Variants in RAD52 observed in about 807,000 individuals in gnomAD.
RAD52 encodes RAD52 DNA repair protein, also known as DNA repair protein RAD52 homolog.
RAD52 carries 47 observed loss-of-function variants against 55.5 expected under a neutral mutation model. That is an observed-to-expected ratio of 0.85 (90% CI 0.67 to 1.08). The LOEUF is 1.08. Ranked by LOEUF, RAD52 falls within the 50% of genes least tolerant of loss-of-function variation. The probability of loss-of-function intolerance (pLI) is 0.00; values close to 1 mark genes in which losing one functional copy is unlikely to be tolerated. For synonymous variants in RAD52, 184 were observed against 198.9 expected, an observed-to-expected ratio of 0.92 and a Z score of 0.63; for missense variants, 468 against 522.8, an observed-to-expected ratio of 0.90 and a Z score of 1.02.
Position 948,500 on chromosome 12 carries a change from A to G in RAD52, c.-19+1102T>C, listed in dbSNP as rs1474740570. Reference sequence around the variant, plus strand: ...GAGACCAGCCTAACCAACATGGTGAAAAATACAAAGTAGCTGGGTGTGGTG... The same window carrying G: ...GAGACCAGCCTAACCAACATGGTGAGAAATACAAAGTAGCTGGGTGTGGTG... On this transcript the variant is annotated intron_variant, in intron 1 of 11. Coordinates refer to ENST00000358495, the MANE Select transcript of RAD52 (RefSeq NM_134424.4). Among the ~76,000 whole-genome samples the G allele has an allele frequency of 2.0e-5, 3 of 152,086 alleles. No homozygotes were observed. The East Asian group carries it at 5.8e-4, about 29-fold the overall frequency.
intron 7 of RAD52, among the ~76,000 whole-genome samples, chr12:923,887 A>G (rs1260520397): frequency 1.3e-5 from 2 of 149,640 alleles, no homozygotes; most frequent in African/African-American, 4.9e-5. Flanking sequence ...ACGAAACCCC[A>G]TCTACTAAAA....
chr12:925,152 G>GT (rs1463597705), intron 7 of RAD52, among the ~76,000 whole-genome samples: 2 of 151,878 alleles, frequency 1.3e-5, no homozygotes, highest in African/African-American at 4.8e-5. Flanking sequence ...GGGTTTCACC[G>GT]TGTTAGCCAG....
At chr12:982,143 G>C (rs1959025631) in intron 1 of RAD52, among the ~76,000 whole-genome samples, 1 of 152,208 alleles carries the variant, frequency 6.6e-6, no homozygotes, top group Non-Finnish European at 1.5e-5. Context: ...TTCACAGCCA[G>C]ATAACTCTGT....
At chr12:954,681 G>A (rs557635183), upstream of RAD52, among the ~76,000 whole-genome samples, 3 of 152,136 alleles carry the variant, frequency 2.0e-5, no homozygotes, top group South Asian at 6.2e-4. Flanking sequence ...TTTCCTTATT[G>A]ATTAATCCTT....
At chr12:960,151 T>A (rs1488442483) in intron 1 of RAD52, among the ~76,000 whole-genome samples, 1 of 152,146 alleles carries the variant, frequency 6.6e-6, no homozygotes, top group Admixed American at 6.6e-5. Context: ...AATGCCCTGA[T>A]CTGAATAGAA....
chr12:957,821 G>T lies in RAD52; in HGVS notation c.-18-24745C>A, dbSNP rs937100845. Among the ~76,000 whole-genome samples, 5 of 152,314 alleles carry T rather than the reference G, an allele frequency of 3.3e-5. No individual in the cohort carries two copies. In the South Asian group the frequency reaches 1.0e-3, roughly 32 times the overall value. ...AAATAAATAATAAAAAACAAAAAAAGAATTGCCATTTGGCTTAGGCATTAG... is the reference window on the plus strand; with the variant it reads ...AAATAAATAATAAAAAACAAAAAAATAATTGCCATTTGGCTTAGGCATTAG... On this transcript the variant is annotated intron_variant, in intron 1 of 11. Coordinates refer to the RAD52 transcript ENST00000430095.
chr12:953,001 A>AAGGGAGGGGGGGGGGGGAGGGGGGG (rs1425368666), upstream of RAD52, among the ~76,000 whole-genome samples: 1 of 4,936 alleles, frequency 2.0e-4, no homozygotes. Context: ...GGAGAGGGGG[A>AAGGGAGGGGGGGGGGGGAGGGGGGG]GGGGAGGGGG....
At chr12:932,248 A>G (rs534450843) in intron 2 of RAD52, among the ~76,000 whole-genome samples, 1 of 151,962 alleles carries the variant, frequency 6.6e-6, no homozygotes, top group Non-Finnish European at 1.5e-5. Flanking sequence ...TAATCCAAAC[A>G]CTTTGGGAGG....
intron 1 of RAD52, among the ~76,000 whole-genome samples, chr12:941,088 G>A (rs7311151): frequency 0.58 from 88,069 of 151,756 alleles, 25,782 homozygotes; most frequent in Middle Eastern, 0.68. Flanking sequence ...ATAAATCTCC[G>A]GATAAATACA....
intron 1 of RAD52, among the ~76,000 whole-genome samples, chr12:933,571 G>A (rs1424429743): frequency 6.6e-6 from 1 of 151,968 alleles, no homozygotes; most frequent in Non-Finnish European, 1.5e-5. Flanking sequence ...GGTCTCTCAA[G>A]CTGCTGAAGA....
At chr12:926,361 G>C (rs1410411726) in intron 6 of RAD52, among the ~76,000 whole-genome samples, 1 of 151,844 alleles carries the variant, frequency 6.6e-6, no homozygotes, top group Non-Finnish European at 1.5e-5. Context: ...TTAATTAACT[G>C]GGGGTGGTGT....
chr12:988,465 G>A (rs1451293757), intron 1 of RAD52, among the ~76,000 whole-genome samples: 1 of 152,196 alleles, frequency 6.6e-6, no homozygotes, highest in Non-Finnish European at 1.5e-5. Flanking sequence ...CTGATGGGGA[G>A]TCTTGTGAAC....
intron 1 of RAD52, among the ~76,000 whole-genome samples, chr12:945,504 G>A (rs1048284781): frequency 4.0e-5 from 6 of 151,210 alleles, no homozygotes; most frequent in Non-Finnish European, 7.4e-5. Context: ...CGCAATCTCA[G>A]CTCACTGCAA....
At chr12:936,324 C>CA (rs1426194218) in intron 1 of RAD52, among the ~76,000 whole-genome samples, 2 of 151,304 alleles carry the variant, frequency 1.3e-5, no homozygotes, top group Non-Finnish European at 2.9e-5. Flanking sequence ...ACAAAACAAA[C>CA]AAAAAAAATT....
At chr12:934,110 A>AC (rs1364099653) in intron 1 of RAD52, among the ~76,000 whole-genome samples, 2 of 150,772 alleles carry the variant, frequency 1.3e-5, no homozygotes, top group Non-Finnish European at 3.0e-5. Context: ...TCTCAAAAAA[A>AC]AAAAAAAACA....
At chr12:929,661 A>C (rs1346768190) in intron 5 of RAD52, 158 bp downstream of exon 5, 1 of 809,596 alleles carries the variant, frequency 1.2e-6, no homozygotes, top group Non-Finnish European at 2.2e-6. Context: ...TAGGGAGCAC[A>C]TGAGCAAGAG....
chr12:957,100 G>C (rs781660293), intron 1 of RAD52, among the ~76,000 whole-genome samples: 4 of 152,072 alleles, frequency 2.6e-5, no homozygotes, highest in Non-Finnish European at 5.9e-5. Flanking sequence ...ACTACCTTCA[G>C]ATTTCAGTTG....
intron 1 of RAD52, among the ~76,000 whole-genome samples, chr12:947,042 C>T (rs924444839): frequency 2.0e-4 from 31 of 152,144 alleles, no homozygotes; most frequent in African/African-American, 6.3e-4. Flanking sequence ...AAAAAACACT[C>T]CCAGAGGGGC....
At chr12:930,862 G>A (rs141593852) in intron 3 of RAD52, among the ~76,000 whole-genome samples, 180 of 152,026 alleles carry the variant, frequency 1.2e-3, no homozygotes, top group African/African-American at 4.3e-3. Flanking sequence ...AGCTAGTCAG[G>A]AAGCTGAGGC....
Sources: allele counts gnomAD v4.1 joint callset (sites outside exome capture counted in the v4.1 genomes callset), GRCh38; gene constraint gnomAD v4.1.1; transcripts MANE v1.5; gene names NCBI Gene and HGNC (gene_info 2026-07-23, HGNC 2026-07-21).